The following WDFY4 variants were observed in gnomAD, a reference collection of about 807,000 sequenced individuals.
The protein encoded by WDFY4 is WD repeat- and FYVE domain-containing protein 4.
A neutral mutation model predicts 351.9 loss-of-function variants in WDFY4; 169 were observed. The ratio of observed to expected loss-of-function variants is 0.48; its 90% CI spans 0.42 to 0.55. The LOEUF (loss-of-function observed/expected upper bound fraction) is 0.55. Among genes scored for constraint, WDFY4 ranks in the 20% least tolerant of loss-of-function variants. The probability of loss-of-function intolerance (pLI) is 0.00; values close to 1 mark genes in which losing one functional copy is unlikely to be tolerated. For missense variants in WDFY4, 3,803 were observed against 3,935.6 expected (o/e 0.97, Z 0.90); for synonymous variants, 1,622 against 1,574.6 (o/e 1.03, Z -0.71).
chr10:48,816,884 T>C (rs568967793), intron 31 of WDFY4, among the ~76,000 whole-genome samples: 1 of 152,100 alleles, frequency 6.6e-6, no homozygotes, highest in Admixed American at 6.5e-5. Flanking sequence ...ACTCAGTGAG[T>C]TTGGTACAAT....
At chr10:48,928,671 C>A (rs932105374) in intron 47 of WDFY4, among the ~76,000 whole-genome samples, 1 of 152,288 alleles carries the variant, frequency 6.6e-6, no homozygotes, top group East Asian at 1.9e-4. Context: ...CACTTCACAC[C>A]CTCTAGTTCT....
intron 19 of WDFY4, among the ~76,000 whole-genome samples, chr10:48,784,530 C>CCTTTTTT (rs2066333915): frequency 3.7e-5 from 1 of 26,874 alleles, no homozygotes; most frequent in African/African-American, 1.5e-4. Flanking sequence ...GCATTGTTTG[C>CCTTTTTT]TTTTTTTTTT....
intron 51 of WDFY4, among the ~76,000 whole-genome samples, chr10:48,947,590 C>T (rs1012879224): frequency 2.0e-5 from 3 of 152,210 alleles, no homozygotes; most frequent in Non-Finnish European, 2.9e-5. Flanking sequence ...TATATGGCCA[C>T]TCTGGTGTCC....
chr10:48,713,071 T>C (rs1171167393), intron 2 of WDFY4, among the ~76,000 whole-genome samples: 1 of 152,218 alleles, frequency 6.6e-6, no homozygotes, highest in African/African-American at 2.4e-5. Context: ...ACAAGGGATT[T>C]TGAATTGTCA....
intron 39 of WDFY4, among the ~76,000 whole-genome samples, chr10:48,845,888 G>A (rs146476954): frequency 6.6e-6 from 1 of 152,292 alleles, no homozygotes; most frequent in African/African-American, 2.4e-5. Flanking sequence ...TGCCACTGTG[G>A]AGTGGTAGGC....
intron 47 of WDFY4, among the ~76,000 whole-genome samples, chr10:48,936,618 A>T (rs1840378291): frequency 6.6e-6 from 1 of 151,694 alleles, no homozygotes; most frequent in Non-Finnish European, 1.5e-5. Context: ...AGGGTGGATC[A>T]CAAGGTCTGG....
chr10:48,735,762 A>T (rs2064637887), intron 10 of WDFY4, 118 bp from the exon 11 acceptor site: 1 of 1,093,876 alleles, frequency 9.1e-7, no homozygotes, highest in Admixed American at 2.8e-5. Flanking sequence ...AGCAAAAGAG[A>T]AACAAAAAAT....
At chr10:48,787,799 TC>T (rs1330379698) in intron 20 of WDFY4, among the ~76,000 whole-genome samples, 5 of 93,014 alleles carry the variant, frequency 5.4e-5, no homozygotes, top group Non-Finnish European at 8.2e-5. Flanking sequence ...CTCCTCCTCC[TC>T]CTCCTCCTCT....
At chr10:48,902,307 G>A (rs559322115) in intron 47 of WDFY4, among the ~76,000 whole-genome samples, 1 of 152,306 alleles carries the variant, frequency 6.6e-6, no homozygotes, top group South Asian at 2.1e-4. Flanking sequence ...TCTGTGCTAT[G>A]GGGCGTCTCT....
intron 48 of WDFY4, 68 bp from the exon 49 acceptor site, chr10:48,943,262 G>T (rs1178668759): frequency 1.3e-6 from 2 of 1,529,188 alleles, no homozygotes; most frequent in South Asian, 1.2e-5. Flanking sequence ...AGGCCTGAGG[G>T]TGGGACCCAT....
At chr10:48,974,007 G>C (rs557909702) in intron 57 of WDFY4, among the ~76,000 whole-genome samples, 46 of 152,218 alleles carry the variant, frequency 3.0e-4, no homozygotes, top group Admixed American at 3.0e-3. Context: ...TTCCCTTACC[G>C]AGATGGCTCT....
intron 43 of WDFY4, among the ~76,000 whole-genome samples, chr10:48,888,299 T>G (rs1304410488): frequency 7.6e-6 from 1 of 131,168 alleles, no homozygotes; most frequent in Non-Finnish European, 1.6e-5. Context: ...CCTCCCTCTT[T>G]CCTTCCTTCC....
chr10:48,946,000 G>T (rs1324180466), intron 49 of WDFY4, 40 bp from the exon 50 acceptor site: 2 of 1,402,818 alleles, frequency 1.4e-6, no homozygotes, highest in Admixed American at 5.0e-5. Flanking sequence ...GGCACAAGCG[G>T]GTCTGGGGAG....
chr10:48,969,070 A>G lies in WDFY4; in HGVS notation c.8591A>G (p.Tyr2864Cys), dbSNP rs1402662394. The change falls in exon 56 of 62, where the codon TAC becomes TGC. Residue 2864 changes from tyrosine to cysteine, a missense_variant. Around this residue, in one of 3 missense-constraint regions of WDFY4, gnomAD observed 3,054 missense variants for 3,148.6 expected, o/e 0.97. Transcript: ENST00000325239. The stretch of plus-strand genomic sequence containing the variant: ...CATACTAACTGGGGTGTAGATATGT[A>G]CCTCTTTTCTCTAGGCTCAGAGTCC... ...RPSQVTVKDMYLFSLGSESPK... is the reference protein window; with the variant it reads ...RPSQVTVKDMCLFSLGSESPK... 3.2e-6 allele frequency: 5 copies of G among 1,551,064 alleles called. No individual in the cohort carries two copies. Among genetic ancestry groups the G allele is most frequent in the Non-Finnish European group, 4.4e-6 (5 of 1,146,720 alleles).
chr10:48,743,449 C>T lies in WDFY4; in HGVS notation c.2360C>T (p.Ser787Phe). ...CACTTGCGTGGGGACCTGAAGGAGTCCCTGAGGACCAAGCAGGGGCCGGTT... is the reference window on the plus strand; with the variant it reads ...CACTTGCGTGGGGACCTGAAGGAGTTCCTGAGGACCAAGCAGGGGCCGGTT... ...TLHLRGDLKE[S>F]LRTKQGPVVD... The change falls in exon 12 of 62, where the codon TCC (serine) becomes TTC (phenylalanine). Residue 787 changes from serine (S) to phenylalanine (F), a missense_variant. This residue lies in a region of WDFY4 where 3,054 missense variants were observed against 3,148.6 expected (regional missense o/e 0.97). Coordinates refer to ENST00000325239, the MANE Select transcript of WDFY4 (RefSeq NM_001394531.1). 6.5e-7 allele frequency: 1 copy of T among 1,550,384 alleles called. No homozygotes were observed. The highest frequency in any genetic ancestry group is 8.7e-7 in the Non-Finnish European group (1 of 1,146,968).
At chr10:48,694,035 G>A (rs1242088342) in intron 1 of WDFY4, among the ~76,000 whole-genome samples, 1 of 152,216 alleles carries the variant, frequency 6.6e-6, no homozygotes, top group African/African-American at 2.4e-5. Flanking sequence ...TTTCACTTGT[G>A]ATTTTTGTGT....
intron 47 of WDFY4, among the ~76,000 whole-genome samples, chr10:48,933,435 C>A (rs1030913766): frequency 1.3e-5 from 2 of 152,224 alleles, no homozygotes; most frequent in African/African-American, 2.4e-5. Flanking sequence ...CTTTTCCATA[C>A]AAGCTTGGCT....
chr10:48,898,332 C>G (rs540459378), intron 45 of WDFY4, among the ~76,000 whole-genome samples: 1 of 152,148 alleles, frequency 6.6e-6, no homozygotes, highest in Non-Finnish European at 1.5e-5. Flanking sequence ...TTACCCCAAG[C>G]TCAGCAATAG....
chr10:48,698,854 T>C (rs908827671), intron 1 of WDFY4, among the ~76,000 whole-genome samples: 2 of 152,194 alleles, frequency 1.3e-5, no homozygotes, highest in African/African-American at 4.8e-5. Flanking sequence ...GAGACATTTA[T>C]TTTAAGGTAC....
Sources: gnomAD v4.1 joint callset for allele counts (sites outside exome capture counted in the v4.1 genomes callset) on GRCh38, gnomAD v4.1.1 for gene constraint, gnomAD v4.1.1 regional missense constraint, MANE v1.5 for transcripts, NCBI Gene and HGNC (gene_info 2026-07-23, HGNC 2026-07-21) for gene names.